The following DIP2B variants were observed in gnomAD, a reference collection of about 807,000 sequenced individuals.
The protein encoded by DIP2B is DIP2 acetate--CoA ligase B (putative).
DIP2B carries 76 observed loss-of-function variants against 198.0 expected under a neutral mutation model. That is an observed-to-expected ratio of 0.38 (90% CI 0.32 to 0.46). The LOEUF is 0.46. DIP2B is among the 20% of genes least tolerant of loss of function. The pLI, the probability that DIP2B is intolerant of heterozygous loss-of-function variation, is 0.99. For synonymous variants in DIP2B, 701 were observed against 739.1 expected, an observed-to-expected ratio of 0.95 and a Z score of 0.84; for missense variants, 1,559 against 1,978.4, an observed-to-expected ratio of 0.79 and a Z score of 4.02.
At chr12:50,630,806 G>A (rs1284879287) in intron 2 of DIP2B, among the ~76,000 whole-genome samples, 1 of 151,032 alleles carries the variant, frequency 6.6e-6, no homozygotes, top group East Asian at 2.0e-4. Context: ...TGCGTAGCTG[G>A]GATTACAGGC....
intron 1 of DIP2B, among the ~76,000 whole-genome samples, chr12:50,563,811 T>A (rs553452160): frequency 1.6e-4 from 24 of 146,032 alleles, no homozygotes; most frequent in South Asian, 4.4e-4. Flanking sequence ...TTTTTTTTTT[T>A]AAAAGCTCAT....
chr12:50,507,650 G>A (rs1430726471), intron 1 of DIP2B, among the ~76,000 whole-genome samples: 1 of 152,168 alleles, frequency 6.6e-6, no homozygotes, highest in African/African-American at 2.4e-5. Context: ...TCCTGCCTCA[G>A]CCTCCCCAGT....
At chr12:50,653,849 CT>C (rs1938507902) in intron 3 of DIP2B, among the ~76,000 whole-genome samples, 1 of 151,644 alleles carries the variant, frequency 6.6e-6, no homozygotes, top group Non-Finnish European at 1.5e-5. Flanking sequence ...CTACTGTAAT[CT>C]TTATTATTTC....
chr12:50,672,180 A>G (rs191271567), intron 5 of DIP2B, among the ~76,000 whole-genome samples: 164 of 152,216 alleles, frequency 1.1e-3, no homozygotes, highest in African/African-American at 3.7e-3. Flanking sequence ...ACCTGTCTAT[A>G]TCACCTAATA....
At chr12:50,511,291 A>ATTTTTTTCTTTTTT (rs1958013835) in intron 1 of DIP2B, among the ~76,000 whole-genome samples, 1 of 64,664 alleles carries the variant, frequency 1.5e-5, no homozygotes. Context: ...TGTGATTTCT[A>ATTTTTTTCTTTTTT]TTTTTTTTTT....
chr12:50,678,698 C>A lies in DIP2B; in HGVS notation c.936C>A (p.Asn312Lys). The change falls in exon 8 of 38, where the codon AAC becomes AAA. Residue 312 changes from asparagine (N) to lysine (K), a missense_variant. Transcript: ENST00000301180. The part of the protein sequence containing the change: ...EIVEVPQPDP[N>K]QPKPEGRQMT... The stretch of plus-strand genomic sequence containing the variant: ...GTACAGTACCTCAGCCAGACCCCAA[C>A]CAGCCCAAGCCGGAGGGACGGCAGA... 6.2e-7 allele frequency: 1 copy of A among 1,614,102 alleles called. No individual in the cohort carries two copies. The highest frequency in any genetic ancestry group is 1.1e-5 in the South Asian group (1 of 91,064).
chr12:50,522,216 G>A (rs1958126803), intron 1 of DIP2B, among the ~76,000 whole-genome samples: 1 of 151,276 alleles, frequency 6.6e-6, no homozygotes, highest in African/African-American at 2.4e-5. Context: ...GATCAGGCTA[G>A]TCTCGAGCTC....
chr12:50,745,117 T>C lies in DIP2B; in HGVS notation c.*278T>C, dbSNP rs1192561745. The C allele has an allele frequency of 5.0e-6, 2 of 396,774 alleles. No individual in the cohort carries two copies. The highest frequency in any genetic ancestry group is 4.0e-5 in the African/African-American group (2 of 49,474). The allele number at this position is 396,774 out of a possible 1,614,324, so 24.6% of individuals were successfully genotyped here. ...ATGCATGTTGCATTTTTTTCATCTG[T>C]TGTACATAGTTGTATTTTTATCTAA... On this transcript the variant is annotated 3_prime_UTR_variant, in exon 38 of 38. Coordinates refer to ENST00000301180, the MANE Select transcript of DIP2B (RefSeq NM_173602.3).
chr12:50,605,971 G>A (rs995275460), intron 1 of DIP2B, among the ~76,000 whole-genome samples: 1 of 152,060 alleles, frequency 6.6e-6, no homozygotes, highest in African/African-American at 2.4e-5. Flanking sequence ...ACAGGTGTGT[G>A]CCACCATGCC....
At chr12:50,615,647 C>T (rs934734462) in intron 1 of DIP2B, among the ~76,000 whole-genome samples, 11 of 152,004 alleles carry the variant, frequency 7.2e-5, no homozygotes, top group African/African-American at 2.4e-4. Flanking sequence ...GGGGTTGGGG[C>T]TGGGGAGTTG....
chr12:50,598,045 G>A (rs1165460381), intron 1 of DIP2B, among the ~76,000 whole-genome samples: 1 of 152,176 alleles, frequency 6.6e-6, no homozygotes, highest in Non-Finnish European at 1.5e-5. Context: ...ACTGATGTAA[G>A]TTTCAGAAAT....
At chr12:50,585,420 G>A (rs572741510) in intron 1 of DIP2B, among the ~76,000 whole-genome samples, 1 of 152,236 alleles carries the variant, frequency 6.6e-6, no homozygotes, top group Non-Finnish European at 1.5e-5. Flanking sequence ...GAATTGAGGG[G>A]TAGCTGCTCT....
intron 29 of DIP2B, among the ~76,000 whole-genome samples, 191 bp from the exon 30 acceptor site, chr12:50,728,357 A>T (rs1939974518): frequency 6.6e-6 from 1 of 152,232 alleles, no homozygotes; most frequent in Non-Finnish European, 1.5e-5. Context: ...AAAAAAAAAA[A>T]AAATTCATTA....
intron 25 of DIP2B, among the ~76,000 whole-genome samples, chr12:50,719,935 A>G (rs1372017949): frequency 1.3e-5 from 2 of 148,150 alleles, no homozygotes; most frequent in Non-Finnish European, 3.0e-5. Context: ...AAAAATATAT[A>G]TATGTATTTT....
At chr12:50,603,113 G>A (rs1406498176) in intron 1 of DIP2B, among the ~76,000 whole-genome samples, 5 of 151,424 alleles carry the variant, frequency 3.3e-5, no homozygotes, top group Admixed American at 2.0e-4. Context: ...GCAGTGAGCC[G>A]AGGTTCGGCC....
intron 1 of DIP2B, among the ~76,000 whole-genome samples, chr12:50,514,325 A>G (rs1958045315): frequency 6.6e-6 from 1 of 152,054 alleles, no homozygotes; most frequent in Non-Finnish European, 1.5e-5. Flanking sequence ...TCTGCTTCCC[A>G]AAGTGCTGGG....
intron 1 of DIP2B, among the ~76,000 whole-genome samples, chr12:50,507,970 C>G (rs995498253): frequency 6.6e-6 from 1 of 151,462 alleles, no homozygotes; most frequent in Non-Finnish European, 1.5e-5. Context: ...ATAATCTGAG[C>G]TGTATGCTGT....
intron 29 of DIP2B, 134 bp from the exon 30 acceptor site, chr12:50,728,414 G>A: frequency 9.6e-7 from 1 of 1,044,064 alleles, no homozygotes; most frequent in East Asian, 2.6e-5. Flanking sequence ...TCTTAGATTA[G>A]GCTTTGAAGC....
intron 1 of DIP2B, among the ~76,000 whole-genome samples, chr12:50,531,742 G>C (rs868381224): frequency 3.3e-5 from 5 of 152,142 alleles, no homozygotes; most frequent in Non-Finnish European, 5.9e-5. Flanking sequence ...TGGAGAGAAA[G>C]GAAGTAGCTA....
Sources: allele counts gnomAD v4.1 joint callset (sites outside exome capture counted in the v4.1 genomes callset), GRCh38; gene constraint gnomAD v4.1.1; transcripts MANE v1.5; gene names NCBI Gene and HGNC (gene_info 2026-07-23, HGNC 2026-07-21).